Variants in TTC27 observed in about 807,000 individuals in gnomAD.
The protein encoded by TTC27 is tetratricopeptide repeat protein 27.
Under a neutral mutation model 115.9 loss-of-function variants are expected in TTC27, and 79 were observed. That is an observed-to-expected ratio of 0.68 (90% CI 0.57 to 0.82). The LOEUF (loss-of-function observed/expected upper bound fraction) is 0.82, where lower values mean the gene tolerates loss of function less well. Ranked by LOEUF, TTC27 falls within the 40% of genes least tolerant of loss-of-function variation. TTC27 has a pLI of 0.00. For synonymous variants in TTC27, 401 were observed against 356.0 expected (o/e 1.13, Z -1.42); for missense variants, 1,054 against 993.1 (o/e 1.06, Z -0.82).
intron 5 of TTC27, among the ~76,000 whole-genome samples, chr2:32,651,377 C>T (rs557139138): frequency 1.1e-4 from 16 of 152,128 alleles, no homozygotes; most frequent in Non-Finnish European, 2.1e-4. Context: ...GACAGAGTTT[C>T]ACTCTGTCAT....
intron 9 of TTC27, among the ~76,000 whole-genome samples, chr2:32,689,436 A>G (rs984164123): frequency 6.6e-5 from 10 of 152,206 alleles, no homozygotes; most frequent in African/African-American, 1.4e-4. Flanking sequence ...TTTCAGAAGT[A>G]CAACACAAAC....
chr2:32,786,435 C>T (rs1670351049), intron 15 of TTC27, among the ~76,000 whole-genome samples: 1 of 152,230 alleles, frequency 6.6e-6, no homozygotes, highest in African/African-American at 2.4e-5. Context: ...GCCACCATGC[C>T]TGGCCACCTT....
intron 9 of TTC27, among the ~76,000 whole-genome samples, chr2:32,696,615 T>C (rs1666997983): frequency 6.6e-6 from 1 of 152,130 alleles, no homozygotes; most frequent in South Asian, 2.1e-4. Context: ...TTATGATCCA[T>C]TCCTTCACAA....
chr2:32,630,589 C>G lies in TTC27; in HGVS notation c.155C>G (p.Thr52Ser). 6.2e-7 allele frequency: 1 copy of G among 1,613,334 alleles called. No individual in the cohort carries two copies. The highest frequency in any genetic ancestry group is 1.3e-5 in the African/African-American group (1 of 74,992). Residue 52 changes from threonine (T) to serine (S), a missense_variant, in exon 2 of 20, where the codon ACT becomes AGT. By Grantham distance (58) the Thr-to-Ser change is moderately conservative (BLOSUM62 1). Coordinates refer to ENST00000317907, the MANE Select transcript of TTC27 (RefSeq NM_017735.5). The part of the protein sequence containing the change: ...NYEAIFLNSM[T>S]QNIFNSTTTA... ...GAAGCCATATTCTTAAATTCAATGA[C>G]TCAAAATATTTTTAATTCAACAACA...
intron 5 of TTC27, among the ~76,000 whole-genome samples, chr2:32,652,348 G>A (rs1000565978): frequency 2.6e-5 from 4 of 151,898 alleles, no homozygotes; most frequent in Non-Finnish European, 5.9e-5. Context: ...TCTGGCCTGG[G>A]CGACAGGGCA....
At chr2:32,778,968 A>G (rs1416776030) in intron 14 of TTC27, among the ~76,000 whole-genome samples, 4 of 152,222 alleles carry the variant, frequency 2.6e-5, no homozygotes, top group Non-Finnish European at 4.4e-5. Context: ...TCACGCCTGT[A>G]ATCCCAACAC....
chr2:32,664,647 C>T (rs554040831), intron 6 of TTC27, among the ~76,000 whole-genome samples, 180 bp downstream of exon 6: 2 of 152,066 alleles, frequency 1.3e-5, no homozygotes, highest in East Asian at 1.9e-4. Flanking sequence ...ATATATTTTC[C>T]TTATTTCTAG....
intron 13 of TTC27, among the ~76,000 whole-genome samples, chr2:32,762,814 G>A (rs533320919): frequency 6.6e-6 from 1 of 152,074 alleles, no homozygotes; most frequent in African/African-American, 2.4e-5. Context: ...GCTAATTTTT[G>A]TATTTTTAGT....
chr2:32,798,328 A>G (rs992807566), intron 16 of TTC27, among the ~76,000 whole-genome samples: 4 of 151,948 alleles, frequency 2.6e-5, no homozygotes, highest in Non-Finnish European at 5.9e-5. Flanking sequence ...TGGACCCAGG[A>G]GGTGGAGCTT....
At chr2:32,674,720 C>T (rs997256621) in intron 8 of TTC27, among the ~76,000 whole-genome samples, 9 of 149,340 alleles carry the variant, frequency 6.0e-5, no homozygotes, top group Admixed American at 4.0e-4. Context: ...AGTGCAGTGG[C>T]GCGATCTCGG....
Position 32,702,957 on chromosome 2 carries a change from A to C in TTC27, c.1233+37A>C, listed in dbSNP as rs1245623074. 13 of 1,399,800 alleles carry C rather than the reference A, an allele frequency of 9.3e-6. No homozygotes were observed. In the Admixed American group the frequency reaches 1.7e-4, roughly 18 times the overall value. The allele number at this position is 1,399,800 out of a possible 1,614,324, so 86.7% of individuals were successfully genotyped here. ...TGTGGCAATTTGTGTGCTTCTTCCA[A>C]CTCTCTATTGCTATCAGTAAGCATA... On this transcript the variant is annotated intron_variant, in intron 10 of 19. Transcript: ENST00000317907.
At chr2:32,645,040 GA>G (rs1469190449) in intron 4 of TTC27, among the ~76,000 whole-genome samples, 2 of 151,586 alleles carry the variant, frequency 1.3e-5, no homozygotes, top group Non-Finnish European at 2.9e-5. Context: ...CTGATTTGAT[GA>G]ATTAAGATAA....
At chr2:32,649,031 TA>T (rs994456443) in intron 4 of TTC27, among the ~76,000 whole-genome samples, 1 of 151,502 alleles carries the variant, frequency 6.6e-6, no homozygotes, top group African/African-American at 2.4e-5. Flanking sequence ...AAATAAAAAA[TA>T]AAAAAAAGCA....
At chr2:32,641,260 A>G (rs1318806950) in intron 4 of TTC27, among the ~76,000 whole-genome samples, 3 of 152,156 alleles carry the variant, frequency 2.0e-5, no homozygotes, top group Non-Finnish European at 4.4e-5. Flanking sequence ...CAGTCTTTGG[A>G]GGTTTAGTGG....
At chr2:32,652,684 C>T (rs897772379) in intron 5 of TTC27, among the ~76,000 whole-genome samples, 2 of 152,064 alleles carry the variant, frequency 1.3e-5, no homozygotes, top group Admixed American at 6.5e-5. Flanking sequence ...TAAATAGATT[C>T]GTAGATAGTG....
At chr2:32,702,545 T>TA (rs1388488326) in intron 9 of TTC27, among the ~76,000 whole-genome samples, 4 of 152,204 alleles carry the variant, frequency 2.6e-5, no homozygotes, top group Non-Finnish European at 5.9e-5. Context: ...CAGTCTTTGT[T>TA]AAGATGCCCC....
chr2:32,779,618 T>G (rs976047142), intron 14 of TTC27, among the ~76,000 whole-genome samples: 1 of 152,136 alleles, frequency 6.6e-6, no homozygotes, highest in East Asian at 1.9e-4. Context: ...CTCTATTGAT[T>G]GTGCACTTTA....
At chr2:32,629,806 A>G (rs1012103731) in intron 1 of TTC27, among the ~76,000 whole-genome samples, 3 of 152,218 alleles carry the variant, frequency 2.0e-5, no homozygotes, top group African/African-American at 4.8e-5. Flanking sequence ...TAAAAGGCAC[A>G]TGCACTGGCA....
At chr2:32,740,694 G>A (rs946618066) in intron 12 of TTC27, among the ~76,000 whole-genome samples, 2 of 151,988 alleles carry the variant, frequency 1.3e-5, no homozygotes, top group Admixed American at 6.6e-5. Flanking sequence ...CGCTCTTGTC[G>A]CCCAGGCTGG....
Sources: allele counts gnomAD v4.1 joint callset (sites outside exome capture counted in the v4.1 genomes callset), GRCh38; gene constraint gnomAD v4.1.1; transcripts MANE v1.5; gene names NCBI Gene and HGNC (gene_info 2026-07-23, HGNC 2026-07-21).